The following C22orf31 variants were observed in gnomAD, a reference collection of about 807,000 sequenced individuals.
The protein encoded by C22orf31 is uncharacterized protein C22orf31.
C22orf31 carries 11 observed loss-of-function variants against 15.0 expected under a neutral mutation model. The observed-to-expected ratio is 0.73, with a 90% CI of 0.46 to 1.21. The LOEUF (loss-of-function observed/expected upper bound fraction) is 1.21, where lower values mean the gene tolerates loss of function less well. Among genes scored for constraint, C22orf31 ranks in the 50% most tolerant of loss-of-function variants. C22orf31 has a pLI of 0.00. For synonymous variants in C22orf31, 132 were observed against 133.3 expected (o/e 0.99, Z 0.07); for missense variants, 340 against 347.2 (o/e 0.98, Z 0.17).
upstream of C22orf31, among the ~76,000 whole-genome samples, chr22:29,062,669 C>T (rs193147088): frequency 6.6e-6 from 1 of 152,046 alleles, no homozygotes; most frequent in East Asian, 2.0e-4. Context: ...CTCCTGGAAT[C>T]GCATGTGTTG....
At chr22:29,070,664 C>T in the C22orf31 span, among the ~76,000 whole-genome samples, 2 of 152,058 alleles carry the variant, frequency 1.3e-5, no homozygotes, top group African/African-American at 2.4e-5. Context: ...GAGGCTGAAG[C>T]GGGAGGATCA....
At position 29,060,684 on chromosome 22, in the gene C22orf31, C is replaced by G. The variant is rs2037381395; in HGVS notation, c.163G>C (p.Ala55Pro). ...TCCCAAGAGGAAGTGGTAGCTGGTGCTGGGGCATTAATGTTCTGCTTTGCA... is the reference window on the plus strand; with the variant it reads ...TCCCAAGAGGAAGTGGTAGCTGGTGGTGGGGCATTAATGTTCTGCTTTGCA... ...TCAKQNINAP[A>P]PATTSSWEVV... Residue 55 changes from alanine (A) to proline (P), a missense_variant, in exon 2 of 3, where the codon GCA (alanine) becomes CCA (proline). Ala to Pro is a conservative substitution (Grantham distance 27). Transcript: ENST00000216071. 3 of 1,613,968 alleles carry G rather than the reference C, an allele frequency of 1.9e-6. No homozygotes were observed. In the African/African-American group the frequency reaches 4.0e-5, roughly 22 times the overall value.
the C22orf31 span, chr22:29,072,992 G>T: frequency 6.6e-6 from 1 of 151,906 alleles, no homozygotes; most frequent in South Asian, 1.8e-4. Context: ...CGCTGAGCTG[G>T]GCGGGCCGGG....
chr22:29,060,543 A>G lies in C22orf31; in HGVS notation c.304T>C (p.Ser102Pro), dbSNP rs1431465869. 1 of 1,614,040 alleles carries G rather than the reference A, an allele frequency of 6.2e-7. No homozygotes were observed. Residue 102 changes from serine to proline, a missense_variant, in exon 2 of 3, where the codon TCG becomes CCG. Physicochemically the swap from Ser to Pro is moderately conservative, Grantham distance 74. Coordinates refer to ENST00000216071, the MANE Select transcript of C22orf31 (RefSeq NM_015370.2). ...PPCKFGEGKL[S>P]KRLKHKDDSV... Reference sequence around the variant, plus strand: ...TCGTCCTTGTGCTTTAATCTCTTCGAGAGTTTTCCTTCTCCAAACTTGCAT... The same window carrying G: ...TCGTCCTTGTGCTTTAATCTCTTCGGGAGTTTTCCTTCTCCAAACTTGCAT...
upstream of C22orf31, among the ~76,000 whole-genome samples, chr22:29,063,275 C>T (rs1045655628): frequency 4.6e-5 from 7 of 152,180 alleles, no homozygotes; most frequent in African/African-American, 1.2e-4. Context: ...AAGCAATTCT[C>T]GTGCATCAGC....
upstream of C22orf31, among the ~76,000 whole-genome samples, chr22:29,065,297 G>A (rs138572244): frequency 6.2e-3 from 951 of 152,210 alleles, 10 homozygotes; most frequent in African/African-American, 0.022. Flanking sequence ...GTTTATGGCC[G>A]GTGTGGTGGC....
chr22:29,066,253 G>C (rs2037428807), upstream of C22orf31, among the ~76,000 whole-genome samples: 1 of 151,976 alleles, frequency 6.6e-6, no homozygotes, highest in African/African-American at 2.4e-5. Flanking sequence ...AGATGTTTTT[G>C]TTTTAACACC....
upstream of C22orf31, among the ~76,000 whole-genome samples, chr22:29,065,204 A>G (rs2037421365): frequency 6.6e-6 from 1 of 152,052 alleles, no homozygotes; most frequent in African/African-American, 2.4e-5. Context: ...CCCTTTCTTG[A>G]GCTCCTGTTG....
In C22orf31 at chr22:29,060,623, G is replaced by A. The variant is rs1198777083; in HGVS notation, c.224C>T (p.Ser75Phe). 2.5e-6 allele frequency: 4 copies of A among 1,614,038 alleles called. No individual in the cohort carries two copies. In the African/African-American group the frequency reaches 5.3e-5, roughly 22 times the overall value. The change falls in exon 2 of 3, where the codon TCC becomes TTC. Residue 75 changes from serine (S) to phenylalanine (F), a missense_variant. By Grantham distance (155) the Ser-to-Phe change is radical. Coordinates refer to ENST00000216071, the MANE Select transcript of C22orf31 (RefSeq NM_015370.2). ...VRNPLIASSF[S>F]LVKLVLRRQL... ...CCGCCTGAGTACAAGCTTAACCAGG[G>A]AGAAGGAACTGGCAATTAATGGGTT...
At position 29,060,402 on chromosome 22, in the gene C22orf31, G is replaced by T; in HGVS notation, c.432+13C>A. On this transcript the variant is annotated intron_variant, in intron 2 of 2. Coordinates refer to ENST00000216071, the MANE Select transcript of C22orf31 (RefSeq NM_015370.2). ...CGCCAGTCACATTTTCCCCACCACTGGTCCTCGTCTACCTCTCTGATGCCT... is the reference window on the plus strand; with the variant it reads ...CGCCAGTCACATTTTCCCCACCACTTGTCCTCGTCTACCTCTCTGATGCCT... The T allele has an allele frequency of 6.2e-7, 1 of 1,602,508 alleles. No individual in the cohort carries two copies. Among genetic ancestry groups the T allele is most frequent in the Non-Finnish European group, 8.5e-7 (1 of 1,174,914 alleles).
upstream of C22orf31, chr22:29,061,884 T>C: frequency 1.8e-6 from 2 of 1,090,020 alleles, no homozygotes; most frequent in Non-Finnish European, 1.3e-6. Context: ...CTCTTTTTTT[T>C]TGTTTTTGTT....
At chr22:29,061,967 G>T, upstream of C22orf31, 1 of 552,780 alleles carries the variant, frequency 1.8e-6, no homozygotes, top group Non-Finnish European at 3.3e-6. Context: ...TTAGATGTGG[G>T]CTCAATGCAG....
chr22:29,068,213 C>G, the C22orf31 span, among the ~76,000 whole-genome samples: 1 of 151,324 alleles, frequency 6.6e-6, no homozygotes, highest in East Asian at 2.0e-4. Flanking sequence ...TCCCAAGTAG[C>G]TGACATTATA....
At chr22:29,071,772 G>C in the C22orf31 span, among the ~76,000 whole-genome samples, 52 of 152,216 alleles carry the variant, frequency 3.4e-4, no homozygotes, top group African/African-American at 6.5e-4. Flanking sequence ...GGTCGGGGCG[G>C]GGGGAGGCGG....
chr22:29,073,855 C>T, the C22orf31 span, among the ~76,000 whole-genome samples: 1 of 152,208 alleles, frequency 6.6e-6, no homozygotes, highest in South Asian at 2.1e-4. The surrounding 1 kb of genome is among the most constrained non-coding windows in gnomAD (Gnocchi z 4.4). Context: ...GGGATCCCGC[C>T]CCAAGTCCTT....
At chr22:29,072,139 T>TTTTTTG in the C22orf31 span, among the ~76,000 whole-genome samples, 4 of 152,152 alleles carry the variant, frequency 2.6e-5, no homozygotes, top group East Asian at 3.9e-4. Flanking sequence ...GTTTTGGTTT[T>TTTTTTG]TTTTTGTTTT....
At chr22:29,070,475 A>G in the C22orf31 span, among the ~76,000 whole-genome samples, 3 of 152,232 alleles carry the variant, frequency 2.0e-5, no homozygotes. Context: ...CTTTGTTTCC[A>G]ACCTCCTGGG....
chr22:29,073,551 C>T, the C22orf31 span, among the ~76,000 whole-genome samples: 1 of 152,132 alleles, frequency 6.6e-6, no homozygotes, highest in African/African-American at 2.4e-5. The surrounding 1 kb of genome is among the most constrained non-coding windows in gnomAD (Gnocchi z 4.4). Flanking sequence ...GCTGGGACAT[C>T]TTCTCTGTCT....
chr22:29,069,575 C>G, the C22orf31 span, among the ~76,000 whole-genome samples: 4 of 152,292 alleles, frequency 2.6e-5, no homozygotes, highest in South Asian at 8.3e-4. Flanking sequence ...ACACCCCAGG[C>G]ATGTAAAGCA....
Sources: gnomAD v4.1 joint callset for allele counts (sites outside exome capture counted in the v4.1 genomes callset) on GRCh38, gnomAD v4.1.1 for gene constraint, Gnocchi (gnomAD v3.1) non-coding constraint, MANE v1.5 for transcripts, NCBI Gene and HGNC (gene_info 2026-07-23, HGNC 2026-07-21) for gene names.